The following SDK1 variants were observed in gnomAD, a reference collection of about 807,000 sequenced individuals.
The protein encoded by SDK1 is sidekick cell adhesion molecule 1, also known as protein sidekick-1.
A neutral mutation model predicts 245.5 loss-of-function variants in SDK1; 157 were observed. The ratio of observed to expected loss-of-function variants is 0.64; its 90% CI spans 0.56 to 0.73. The LOEUF (loss-of-function observed/expected upper bound fraction) is 0.73. SDK1 is among the 30% of genes least tolerant of loss of function. SDK1 has a pLI of 0.00. For missense variants in SDK1, 3,583 were observed against 3,002.3 expected, an observed-to-expected ratio of 1.19 and a Z score of -4.52; for synonymous variants, 1,647 against 1,278.5, an observed-to-expected ratio of 1.29 and a Z score of -6.15.
In SDK1 at chr7:3,524,153, C is replaced by T. The variant is rs557401984; in HGVS notation, c.299-94927C>T. On this transcript the variant is annotated intron_variant, in intron 1 of 44. Transcript: ENST00000404826. ...AAGTGGATATGTGGGGCAAGAACTT[C>T]CCAGAATGAAGAAACACCCGCATTA... 3.9e-5 allele frequency among the ~76,000 whole-genome samples: 6 copies of T among 152,222 alleles called. No individual in the cohort carries two copies. The South Asian group carries it at 1.2e-3, about 32-fold the overall frequency.
intron 32 of SDK1, among the ~76,000 whole-genome samples, chr7:4,169,001 A>C (rs1438307373): frequency 6.6e-6 from 1 of 152,150 alleles, no homozygotes; most frequent in Non-Finnish European, 1.5e-5. Context: ...TGGGCAAAAC[A>C]ATCCGGCTCT....
At chr7:3,913,104 G>T (rs1779235214) in intron 5 of SDK1, among the ~76,000 whole-genome samples, 1 of 152,118 alleles carries the variant, frequency 6.6e-6, no homozygotes, top group African/African-American at 2.4e-5. Flanking sequence ...TTGCCTGAAG[G>T]AAGCATCTGG....
At position 3,736,665 on chromosome 7, in the gene SDK1, A is replaced by G. The variant is rs191541946; in HGVS notation, c.714-84785A>G. 9.3e-4 allele frequency among the ~76,000 whole-genome samples: 141 copies of G among 152,310 alleles called. 1 individual carries two copies. The highest frequency in any genetic ancestry group is 3.3e-3 in the African/African-American group (138 of 41,566). ...TTCTAAGCTTTACTGAGGTATAGTC[A>G]TATATATGATTATATATATAAGGTA... On this transcript the variant is annotated intron_variant, in intron 4 of 44. Coordinates refer to ENST00000404826, the MANE Select transcript of SDK1 (RefSeq NM_152744.4).
intron 44 of SDK1, among the ~76,000 whole-genome samples, chr7:4,249,080 CAGGGAGGGAGGTGAGTGTGGGG>C (rs1234469827): frequency 2.6e-5 from 4 of 151,572 alleles, no homozygotes; most frequent in Non-Finnish European, 5.9e-5. Context: ...GAGGTGGCCT[CAGGGAGGGAGGTGAGTGTGGGG>C]AGGGAGGGAG....
intron 40 of SDK1, among the ~76,000 whole-genome samples, chr7:4,232,204 T>C (rs1308001219): frequency 1.3e-5 from 2 of 151,918 alleles, no homozygotes; most frequent in African/African-American, 4.8e-5. Flanking sequence ...GCCTTTGTTA[T>C]CACCATTCTA....
intron 4 of SDK1, among the ~76,000 whole-genome samples, chr7:3,774,241 G>T (rs990942592): frequency 7.3e-5 from 11 of 150,966 alleles, no homozygotes; most frequent in African/African-American, 2.7e-4. Context: ...AAAGAATACT[G>T]GCCTTTTAAA....
intron 5 of SDK1, among the ~76,000 whole-genome samples, chr7:3,858,864 T>TTA (rs1333006775): frequency 3.4e-5 from 4 of 118,958 alleles, no homozygotes; most frequent in African/African-American, 2.0e-4. Context: ...TTTTTCTTTT[T>TTA]TCTTTTTTTT....
intron 5 of SDK1, among the ~76,000 whole-genome samples, chr7:3,896,421 T>C (rs1781607577): frequency 6.6e-6 from 1 of 152,144 alleles, no homozygotes; most frequent in Non-Finnish European, 1.5e-5. Flanking sequence ...GCCTTGGTAG[T>C]TTCCTTACCT....
At chr7:3,876,984 C>G (rs1002208878) in intron 5 of SDK1, among the ~76,000 whole-genome samples, 9 of 152,146 alleles carry the variant, frequency 5.9e-5, no homozygotes, top group African/African-American at 2.2e-4. Flanking sequence ...AGATAAATAC[C>G]TTCTGTCCCT....
intron 1 of SDK1, among the ~76,000 whole-genome samples, chr7:3,412,248 A>G (rs1583819685): frequency 6.6e-6 from 1 of 152,154 alleles, no homozygotes; most frequent in Non-Finnish European, 1.5e-5. Flanking sequence ...TTCCTCAGCC[A>G]CTCAGGCTAT....
intron 1 of SDK1, among the ~76,000 whole-genome samples, chr7:3,565,379 T>A (rs534747596): frequency 6.6e-6 from 1 of 152,322 alleles, no homozygotes; most frequent in African/African-American, 2.4e-5. Flanking sequence ...CTATAAAGTA[T>A]GTACCACAAA....
chr7:4,223,072 G>T (rs886670462), intron 40 of SDK1, among the ~76,000 whole-genome samples: 2 of 150,658 alleles, frequency 1.3e-5, no homozygotes, highest in Non-Finnish European at 2.9e-5. Flanking sequence ...GACAGAGCAA[G>T]GCTCCGTCTC....
At chr7:3,387,743 C>A (rs538813774) in intron 1 of SDK1, among the ~76,000 whole-genome samples, 3 of 152,032 alleles carry the variant, frequency 2.0e-5, no homozygotes, top group Non-Finnish European at 4.4e-5. Flanking sequence ...TGTCTATTAC[C>A]ACAATAAAAA....
intron 5 of SDK1, among the ~76,000 whole-genome samples, chr7:3,894,153 A>T (rs1166813561): frequency 3.3e-5 from 5 of 152,142 alleles, no homozygotes; most frequent in Non-Finnish European, 7.3e-5. Flanking sequence ...CCAGTTTTAA[A>T]ATATATATAT....
At chr7:3,935,963 T>G (rs1252943781) in intron 5 of SDK1, among the ~76,000 whole-genome samples, 4 of 152,204 alleles carry the variant, frequency 2.6e-5, no homozygotes, top group Admixed American at 2.0e-4. Context: ...GCACTATTCA[T>G]GCTAATTAGA....
At chr7:3,542,682 C>T (rs556982171) in intron 1 of SDK1, among the ~76,000 whole-genome samples, 6 of 152,088 alleles carry the variant, frequency 3.9e-5, no homozygotes, top group Admixed American at 3.9e-4. Context: ...TTGGCTATGC[C>T]TTACAGTACT....
intron 1 of SDK1, among the ~76,000 whole-genome samples, chr7:3,454,423 T>TGTGTGC (rs1554273965): frequency 6.1e-4 from 91 of 150,152 alleles, no homozygotes; most frequent in Middle Eastern, 3.4e-3. Context: ...TGTGTGTGTG[T>TGTGTGC]GCTGTGTACA....
At chr7:3,929,071 G>C (rs1451332925) in intron 5 of SDK1, among the ~76,000 whole-genome samples, 1 of 152,244 alleles carries the variant, frequency 6.6e-6, no homozygotes, top group Non-Finnish European at 1.5e-5. Flanking sequence ...GTCAACTCTA[G>C]ATGGAGAGGA....
chr7:4,023,090 A>G (rs1020738222), intron 17 of SDK1, among the ~76,000 whole-genome samples: 7 of 151,766 alleles, frequency 4.6e-5, no homozygotes, highest in Admixed American at 3.3e-4. Context: ...TTTCTTTTCA[A>G]TCCCATTTAT....
Sources: gnomAD v4.1 joint callset for allele counts (sites outside exome capture counted in the v4.1 genomes callset) on GRCh38, gnomAD v4.1.1 for gene constraint, MANE v1.5 for transcripts, NCBI Gene and HGNC (gene_info 2026-07-23, HGNC 2026-07-21) for gene names.